The following BAHCC1 variants were observed in gnomAD, a reference collection of about 807,000 sequenced individuals.
The protein encoded by BAHCC1 is BAH and coiled-coil domain-containing protein 1.
BAHCC1 carries 43 observed loss-of-function variants against 88.2 expected under a neutral mutation model. The observed-to-expected ratio is 0.49, with a 90% CI of 0.38 to 0.63. BAHCC1 has a LOEUF of 0.63. Ranked by LOEUF, BAHCC1 falls within the 20% of genes least tolerant of loss-of-function variation. The probability of loss-of-function intolerance (pLI) is 0.00; values close to 1 mark genes in which losing one functional copy is unlikely to be tolerated. For missense variants in BAHCC1, 3,023 were observed against 1,654.8 expected, an observed-to-expected ratio of 1.83 and a Z score of -14.34; for synonymous variants, 1,510 against 745.5, an observed-to-expected ratio of 2.03 and a Z score of -16.71.
intron 3 of BAHCC1, among the ~76,000 whole-genome samples, chr17:81,428,123 C>T (rs1268743343): frequency 2.6e-5 from 4 of 152,116 alleles, no homozygotes; most frequent in Non-Finnish European, 5.9e-5. Flanking sequence ...ATGGGGTCCT[C>T]GGTCCAGACT....
chr17:81,456,946 C>T (rs1598508789), intron 16 of BAHCC1, among the ~76,000 whole-genome samples: 1 of 9,440 alleles, frequency 1.1e-4, no homozygotes, highest in Non-Finnish European at 3.8e-4. Context: ...TATCTGACCA[C>T]CCCCCCCAGC....
At chr17:81,398,930 T>C (rs2063774259) in intron 1 of BAHCC1, among the ~76,000 whole-genome samples, 1 of 147,890 alleles carries the variant, frequency 6.8e-6, no homozygotes, top group East Asian at 2.0e-4. Flanking sequence ...AAAGGAAGGT[T>C]ATTAAAAAAA....
Position 81,411,474 on chromosome 17 carries a change from CCCTGCCTG to C in BAHCC1, c.178+11593_178+11600del, listed in dbSNP as rs869057944. ...CCTTGAGGTCGTCAGCCAGCCCCAC[CCCTGCCTG>C]CCTGCCTGCCTGCCTGCCTGCCTGC... On this transcript the variant is annotated intron_variant, in intron 2 of 27. Coordinates refer to ENST00000675386, the MANE Select transcript of BAHCC1 (RefSeq NM_001377448.1). The surrounding 1 kb of genome is among the most constrained non-coding windows in gnomAD (Gnocchi z 6.2). 1.4e-3 allele frequency: 362 copies of C among 251,784 alleles called. 9 individuals carry two copies. Among genetic ancestry groups the C allele is most frequent in the African/African-American group, 1.9e-3 (57 of 30,596 alleles). 15.6% of individuals were successfully genotyped at this position (251,784 alleles called of 1,614,324 possible). A position where few individuals can be genotyped will look rare whatever the true frequency, so the allele number is the denominator to read the frequency against.
rs782537173 is a variant in BAHCC1, at chr17:81,441,942, G to C, written c.593G>C (p.Arg198Pro). ...APAHPMGSCS[R>P]DRDRGEAGSL... is the part of the protein sequence containing the mutation. Reference sequence around the variant, plus strand: ...GCCCACCCCATGGGCTCCTGCAGCCGGGATCGAGACCGGGGTGAGGCAGGC... The same window carrying C: ...GCCCACCCCATGGGCTCCTGCAGCCCGGATCGAGACCGGGGTGAGGCAGGC... Residue 198 changes from arginine to proline, a missense_variant, in exon 5 of 28, where the codon CGG becomes CCG. By Grantham distance (103) the Arg-to-Pro change is moderately radical. Coordinates refer to ENST00000675386, the MANE Select transcript of BAHCC1 (RefSeq NM_001377448.1). 1.4e-6 allele frequency: 1 copy of C among 737,238 alleles called. No individual in the cohort carries two copies. Among genetic ancestry groups the C allele is most frequent in the African/African-American group, 1.7e-5 (1 of 57,160 alleles). The allele number at this position is 737,238 out of a possible 1,614,324, so 45.7% of individuals were successfully genotyped here. A position where few individuals can be genotyped will look rare whatever the true frequency, so the allele number is the denominator to read the frequency against.
At chr17:81,437,789 C>T (rs2143482077) in intron 3 of BAHCC1, among the ~76,000 whole-genome samples, 1 of 152,344 alleles carries the variant, frequency 6.6e-6, no homozygotes, top group Non-Finnish European at 1.5e-5. Context: ...TTGCCCCCGT[C>T]CCTTCCCCAC....
At position 81,399,635 on chromosome 17, in the gene BAHCC1, G is replaced by A; in HGVS notation, c.-105G>A. The A allele has an allele frequency of 1.3e-6, 1 of 771,438 alleles. No homozygotes were observed. Among genetic ancestry groups the A allele is most frequent in the South Asian group, 2.2e-5 (1 of 45,936 alleles). The allele number at this position is 771,438 out of a possible 1,614,324, so 47.8% of individuals were successfully genotyped here. On this transcript the variant is annotated 5_prime_UTR_variant, in exon 2 of 28. Coordinates refer to ENST00000675386, the MANE Select transcript of BAHCC1 (RefSeq NM_001377448.1). This position sits in a 1 kb window ranked among gnomAD's most constrained non-coding sequence, Gnocchi z 4.5. ...CGGCCCCGCCGCCACCACCGCCTGT[G>A]ACCCCGGACGCCGCCGCCTCTGCGC...
intron 13 of BAHCC1, 84 bp downstream of exon 13, chr17:81,452,191 GGAACA>G: frequency 1.8e-6 from 1 of 544,512 alleles, no homozygotes; most frequent in Admixed American, 3.6e-5. Flanking sequence ...GGCCGATGTG[GGAACA>G]GGCCAGGATT....
chr17:81,403,546 A>G (rs574053827), intron 2 of BAHCC1, among the ~76,000 whole-genome samples: 10 of 152,114 alleles, frequency 6.6e-5, no homozygotes, highest in African/African-American at 2.4e-4. Flanking sequence ...AACTTGGCAG[A>G]GGAAAAAAAA....
Position 81,465,851 on chromosome 17 carries a change from A to G in BAHCC1, c.*2034A>G, listed in dbSNP as rs1213847744. On this transcript the variant is annotated 3_prime_UTR_variant, in exon 28 of 28. Coordinates refer to ENST00000675386, the MANE Select transcript of BAHCC1 (RefSeq NM_001377448.1). ...CTACCCTTTGTCTCGCATGAGTGCAATATTTCATTCCCGGTGGTTGTCTGG... is the reference window on the plus strand; with the variant it reads ...CTACCCTTTGTCTCGCATGAGTGCAGTATTTCATTCCCGGTGGTTGTCTGG... 1 of 152,516 alleles carries G rather than the reference A, an allele frequency of 6.6e-6. No individual in the cohort carries two copies. Among genetic ancestry groups the G allele is most frequent in the Non-Finnish European group, 1.5e-5 (1 of 68,028 alleles). 9.4% of individuals were successfully genotyped at this position (152,516 alleles called of 1,614,324 possible).
Position 81,445,596 on chromosome 17 carries a change from C to A in BAHCC1, c.3078C>A (p.Pro1026=). 1 of 727,364 alleles carries A rather than the reference C, an allele frequency of 1.4e-6. No individual in the cohort carries two copies. The highest frequency in any genetic ancestry group is 2.6e-5 in the East Asian group (1 of 37,964). 45.1% of individuals were successfully genotyped at this position (727,364 alleles called of 1,614,324 possible). A position where few individuals can be genotyped will look rare whatever the true frequency, so the allele number is the denominator to read the frequency against. The change falls in exon 10 of 28, where the codon CCC becomes CCA. Residue 1026 remains proline (P), a synonymous_variant. Transcript: ENST00000675386. The stretch of plus-strand genomic sequence containing the variant: ...TAAATGTCTGCCCTGCCAGCAGCCC[C>A]GGGCCTGGCTCCCGGGTGCGCAGCG... ...CTLNVCPASS[P]GPGSRVRSAE...
At chr17:81,440,435 C>T (rs545361327) in intron 4 of BAHCC1, among the ~76,000 whole-genome samples, 5 of 152,372 alleles carry the variant, frequency 3.3e-5, no homozygotes, top group African/African-American at 1.2e-4. Flanking sequence ...CCCCTTCCCC[C>T]TTGTTTCTAA....
rs758323235 is a variant in BAHCC1, at chr17:81,441,992, T to G, written c.643T>G (p.Phe215Val). ...CTCCCTGCAGAAGGGCCCCAAGGACTTCGACCGCTTCCTCGTGGGCAAAGA... is the reference window on the plus strand; with the variant it reads ...CTCCCTGCAGAAGGGCCCCAAGGACGTCGACCGCTTCCTCGTGGGCAAAGA... ...AGSLQKGPKD[F>V]DRFLVGKELG... The change falls in exon 5 of 28, where the codon TTC (phenylalanine) becomes GTC (valine). Residue 215 changes from phenylalanine (F) to valine (V), a missense_variant. Coordinates refer to ENST00000675386, the MANE Select transcript of BAHCC1 (RefSeq NM_001377448.1). 12 of 744,954 alleles carry G rather than the reference T, an allele frequency of 1.6e-5. No homozygotes were observed. The highest frequency in any genetic ancestry group is 2.8e-5 in the Non-Finnish European group (11 of 395,784). 46.1% of individuals were successfully genotyped at this position (744,954 alleles called of 1,614,324 possible).
chr17:81,440,846 A>G (rs2143501541), intron 4 of BAHCC1, among the ~76,000 whole-genome samples: 1 of 152,228 alleles, frequency 6.6e-6, no homozygotes, highest in Middle Eastern at 3.4e-3. Context: ...CCCTAGCCCC[A>G]GCAGCCTGAG....
At chr17:81,456,209 G>A (rs1376363282) in intron 15 of BAHCC1, 88 bp from the exon 16 acceptor site, 11 of 655,164 alleles carry the variant, frequency 1.7e-5, no homozygotes, top group East Asian at 8.3e-5. Context: ...GTTCTGAGCC[G>A]GGCATCAACA....
At chr17:81,453,261 T>C (rs1250756157) in intron 14 of BAHCC1, among the ~76,000 whole-genome samples, 1 of 152,198 alleles carries the variant, frequency 6.6e-6, no homozygotes, top group Non-Finnish European at 1.5e-5. Context: ...GCCGGCGCGA[T>C]GTTATTATCC....
chr17:81,445,131 C>A lies in BAHCC1; in HGVS notation c.2788C>A (p.Gln930Lys). 1 of 774,044 alleles carries A rather than the reference C, an allele frequency of 1.3e-6. No homozygotes were observed. The highest frequency in any genetic ancestry group is 2.4e-5 in the East Asian group (1 of 41,046). The allele number at this position is 774,044 out of a possible 1,614,324, so 47.9% of individuals were successfully genotyped here. A position where few individuals can be genotyped will look rare whatever the true frequency, so the allele number is the denominator to read the frequency against. ...GTACTCGAGGCCGCAGCTCCTCCGG[C>A]AGCAGGAGCTCTATGCTTTGCAGCA... ...PVYSRPQLLR[Q>K]QELYALQQQR... The change falls in exon 9 of 28, where the codon CAG becomes AAG. Residue 930 changes from glutamine to lysine, a missense_variant. Physicochemically the swap from Gln to Lys is moderately conservative, Grantham distance 53. Transcript: ENST00000675386.
intron 6 of BAHCC1, 64 bp from the exon 7 acceptor site, chr17:81,444,317 C>T (rs1191263440): frequency 1.3e-5 from 9 of 691,178 alleles, no homozygotes; most frequent in African/African-American, 1.3e-4. Flanking sequence ...CAACAAAGGG[C>T]CGGGGGTGGG....
chr17:81,402,598 A>G (rs2063831269), intron 2 of BAHCC1: 1 of 152,222 alleles, frequency 6.6e-6, no homozygotes, highest in African/African-American at 2.4e-5. Context: ...CCCCTTGGAA[A>G]GGAAAATTGA....
intron 2 of BAHCC1, among the ~76,000 whole-genome samples, chr17:81,418,845 C>T (rs1555649181): frequency 9.5e-5 from 8 of 83,832 alleles, no homozygotes; most frequent in Non-Finnish European, 1.9e-4. Context: ...CCACTCATCC[C>T]AGACATGTAG....
Sources: gnomAD v4.1 joint callset for allele counts (sites outside exome capture counted in the v4.1 genomes callset) on GRCh38, gnomAD v4.1.1 for gene constraint, Gnocchi (gnomAD v3.1) non-coding constraint, MANE v1.5 for transcripts, NCBI Gene and HGNC (gene_info 2026-07-23, HGNC 2026-07-21) for gene names.